Variants in NDE1 observed in about 807,000 individuals in gnomAD.
The protein encoded by NDE1 is nudE neurodevelopment protein 1, also known as nuclear distribution protein nudE homolog 1.
In NDE1, 28 loss-of-function variants were observed where a neutral mutation model predicts 43.4. The ratio of observed to expected loss-of-function variants is 0.65; its 90% CI spans 0.48 to 0.89. The LOEUF is 0.89. Ranked by LOEUF, NDE1 falls within the 40% of genes least tolerant of loss-of-function variation. NDE1 has a pLI of 0.00. For missense variants in NDE1, 441 were observed against 434.1 expected, an observed-to-expected ratio of 1.02 and a Z score of -0.14; for synonymous variants, 184 against 172.0, an observed-to-expected ratio of 1.07 and a Z score of -0.55.
intron 8 of NDE1, chr16:15,704,102 G>GA: frequency 1.2e-6 from 2 of 1,614,080 alleles, no homozygotes; most frequent in Non-Finnish European, 1.7e-6. Context: ...TAGAAGGAAC[G>GA]AAAGAGGTCT....
At chr16:15,677,724 C>G in intron 3 of NDE1, 77 bp from the exon 4 acceptor site, 1 of 1,537,818 alleles carries the variant, frequency 6.5e-7, no homozygotes. Context: ...GCTGTGACTC[C>G]AGGTGGATGT....
chr16:15,651,431 T>G (rs923918292), intron 1 of NDE1: 1 of 101,906 alleles, frequency 9.8e-6, no homozygotes, highest in East Asian at 3.8e-4. Context: ...ATACAACCCG[T>G]TTTTTTTTTT....
intron 8 of NDE1, chr16:15,708,979 G>C (rs972529173): frequency 1.6e-5 from 15 of 948,820 alleles, no homozygotes; most frequent in Non-Finnish European, 6.6e-6. Context: ...GATAGTCTCT[G>C]TCACCCAGGC....
intron 6 of NDE1, among the ~76,000 whole-genome samples, chr16:15,693,018 T>G (rs1424704469): frequency 6.6e-6 from 1 of 150,726 alleles, no homozygotes; most frequent in East Asian, 1.9e-4. Flanking sequence ...TTTTTTTTTT[T>G]GAGACAAAGT....
At chr16:15,699,728 G>A (rs1249796367) in intron 8 of NDE1, 2 of 1,350,556 alleles carry the variant, frequency 1.5e-6, no homozygotes, top group African/African-American at 3.0e-5. Context: ...TCTGTCTGAA[G>A]GTTGGGGAAG....
At chr16:15,661,053 C>T (rs1317137654) in intron 1 of NDE1, among the ~76,000 whole-genome samples, 5 of 151,962 alleles carry the variant, frequency 3.3e-5, no homozygotes, top group South Asian at 4.2e-4. Context: ...GTTTCAGCTG[C>T]GATATTGCAT....
intron 3 of NDE1, among the ~76,000 whole-genome samples, chr16:15,673,116 G>T (rs1179835508): frequency 6.6e-6 from 1 of 152,190 alleles, no homozygotes; most frequent in African/African-American, 2.4e-5. Flanking sequence ...GTAAAGAGAA[G>T]TTGGCCTTTT....
intron 8 of NDE1, chr16:15,716,990 A>T: frequency 1.1e-6 from 1 of 914,208 alleles, no homozygotes; most frequent in Non-Finnish European, 1.8e-6. Context: ...GTTTACGTTC[A>T]GTTCTCACAA....
intron 6 of NDE1, 113 bp from the exon 7 acceptor site, chr16:15,694,052 C>A: frequency 7.9e-7 from 1 of 1,260,128 alleles, no homozygotes; most frequent in Non-Finnish European, 1.1e-6. Context: ...CTTTTGGGAT[C>A]CGAGGAAAGG....
intron 8 of NDE1, among the ~76,000 whole-genome samples, chr16:15,704,385 A>C (rs2039340628): frequency 6.6e-6 from 1 of 152,146 alleles, no homozygotes; most frequent in African/African-American, 2.4e-5. Flanking sequence ...TTTCAAAGCA[A>C]GACGATCTGC....
chr16:15,643,406 C>T lies in NDE1; in HGVS notation c.-687C>T, dbSNP rs373275027. ...CAGTTTAAGGAGGCCTTCCCCCTGG[C>T]TTCACGTTGTGGAGTCGAAAGGAAC... On this transcript the variant is annotated 5_prime_UTR_variant, in exon 1 of 10. Transcript: ENST00000396355. The T allele has an allele frequency of 7.4e-4, 353 of 479,538 alleles. 2 individuals carry two copies. The highest frequency in any genetic ancestry group is 6.7e-3 in the African/African-American group (327 of 48,998). 29.7% of individuals were successfully genotyped at this position (479,538 alleles called of 1,614,324 possible).
intron 1 of NDE1, among the ~76,000 whole-genome samples, chr16:15,656,558 T>A (rs1362358550): frequency 6.6e-6 from 1 of 152,024 alleles, no homozygotes; most frequent in Non-Finnish European, 1.5e-5. Context: ...TTTCTTTTTT[T>A]GAGATGGAGT....
chr16:15,694,891 C>G, intron 7 of NDE1: 1 of 985,368 alleles, frequency 1.0e-6, no homozygotes, highest in Non-Finnish European at 1.2e-6. Flanking sequence ...ACTGCCTTCT[C>G]TTTTGGCCGG....
intron 3 of NDE1, among the ~76,000 whole-genome samples, chr16:15,675,847 G>A (rs1263560651): frequency 6.6e-6 from 1 of 152,128 alleles, no homozygotes; most frequent in Non-Finnish European, 1.5e-5. Context: ...ATTGCTTAAG[G>A]ACACCTGCTC....
chr16:15,716,563 C>T (rs934884564), intron 8 of NDE1, among the ~76,000 whole-genome samples: 1 of 151,972 alleles, frequency 6.6e-6, no homozygotes, highest in South Asian at 2.1e-4. Flanking sequence ...ACTGTGTCAC[C>T]CAGGCTGCAG....
At chr16:15,671,223 G>C (rs1247659083) in intron 3 of NDE1, among the ~76,000 whole-genome samples, 1 of 152,050 alleles carries the variant, frequency 6.6e-6, no homozygotes, top group East Asian at 1.9e-4. Context: ...TGGATTTCTG[G>C]CCAGGCATGG....
At chr16:15,665,982 C>G (rs966288074) in intron 2 of NDE1, among the ~76,000 whole-genome samples, 2 of 152,052 alleles carry the variant, frequency 1.3e-5, no homozygotes, top group African/African-American at 4.8e-5. Context: ...TCTCGAACTC[C>G]CAACCTCAGG....
At chr16:15,684,209 C>G in intron 4 of NDE1, 1 of 151,184 alleles carries the variant, frequency 6.6e-6, no homozygotes, top group Non-Finnish European at 1.5e-5. Flanking sequence ...CCAGCCTGGG[C>G]AACAGAGTGA....
At chr16:15,720,112 C>A in intron 8 of NDE1, 1 of 1,613,854 alleles carries the variant, frequency 6.2e-7, no homozygotes, top group Non-Finnish European at 8.5e-7. Flanking sequence ...GAACTGTGCC[C>A]TCCCTCCACC....
Sources: gnomAD v4.1 joint callset for allele counts (sites outside exome capture counted in the v4.1 genomes callset) on GRCh38, gnomAD v4.1.1 for gene constraint, MANE v1.5 for transcripts, NCBI Gene and HGNC (gene_info 2026-07-23, HGNC 2026-07-21) for gene names.